Variants in EXOSC10 observed in about 807,000 individuals in gnomAD.
EXOSC10 encodes the protein exosome component 10.
A neutral mutation model predicts 126.6 loss-of-function variants in EXOSC10; 94 were observed. That is an observed-to-expected ratio of 0.74 (90% confidence interval 0.63 to 0.88). The LOEUF (loss-of-function observed/expected upper bound fraction) is 0.88, where lower values mean the gene tolerates loss of function less well. Among genes scored for constraint, EXOSC10 ranks in the 40% least tolerant of loss-of-function variants. EXOSC10 has a pLI of 0.00. For missense variants in EXOSC10, 1,041 were observed against 1,100.5 expected (o/e 0.95, Z 0.77); for synonymous variants, 395 against 400.8 (o/e 0.99, Z 0.17).
intron 4 of EXOSC10, 79 bp downstream of exon 4, chr1:11,091,414 A>C: frequency 8.0e-7 from 1 of 1,251,986 alleles, no homozygotes; most frequent in Non-Finnish European, 1.1e-6. Flanking sequence ...AAATTAGAAC[A>C]GAAATGCATG....
intron 3 of EXOSC10, among the ~76,000 whole-genome samples, chr1:11,095,207 G>A (rs2802212): frequency 0.015 from 1,769 of 121,830 alleles, 46 homozygotes; most frequent in African/African-American, 0.053. Context: ...GCAAGACTCC[G>A]TCTCAAAAAA....
At chr1:11,070,856 G>C (rs1298758890) in intron 21 of EXOSC10, 44 bp downstream of exon 21, 1 of 1,542,254 alleles carries the variant, frequency 6.5e-7, no homozygotes, top group Non-Finnish European at 8.9e-7. Context: ...CCACAAGCAG[G>C]GGCATCGTTT....
In EXOSC10 at chr1:11,076,838, TCA is replaced by T; in HGVS notation, c.1986+2_1986+3del. 1 of 1,606,772 alleles carries T rather than the reference TCA, an allele frequency of 6.2e-7. No individual in the cohort carries two copies. The highest frequency in any genetic ancestry group is 8.5e-7 in the Non-Finnish European group (1 of 1,174,958). On this transcript the variant is annotated splice_donor_variant and splice_donor_region_variant and intron_variant, in intron 17 of 24. Coordinates refer to ENST00000376936, the MANE Select transcript of EXOSC10 (RefSeq NM_001001998.3). LOFTEE classifies it high-confidence loss of function. ...CACCTCAGTGAAGTTTCTGTGCTACTCACATTAAATAACGTGATGACAGCTGT... is the reference window on the plus strand; with the variant it reads ...CACCTCAGTGAAGTTTCTGTGCTACTCATTAAATAACGTGATGACAGCTGT...
Position 11,074,265 on chromosome 1 carries a change from T to C in EXOSC10, c.2048A>G (p.Asn683Ser). 6.2e-7 allele frequency: 1 copy of C among 1,614,174 alleles called. No individual in the cohort carries two copies. The highest frequency in any genetic ancestry group is 8.5e-7 in the Non-Finnish European group (1 of 1,180,020). ...TGGATTTTCAAAGGACTCCATGATG[T>C]TCTGGGCTTTTTTCTGTGCAACTGT... ...PLTVAQKKAQ[N>S]IMESFENPFR... The change falls in exon 18 of 25, where the codon AAC becomes AGC. Residue 683 changes from asparagine (N) to serine (S), a missense_variant. Physicochemically the swap from Asn to Ser is conservative, Grantham distance 46 (BLOSUM62 1). Transcript: ENST00000376936.
At chr1:11,079,634 T>C (rs1640032018) in intron 14 of EXOSC10, 77 bp downstream of exon 14, 1 of 1,223,268 alleles carries the variant, frequency 8.2e-7, no homozygotes, top group African/African-American at 1.5e-5. Flanking sequence ...CCTGAAATGA[T>C]CCAGCCACCT....
At position 11,080,824 on chromosome 1, in the gene EXOSC10, G is replaced by A; in HGVS notation, c.1526C>T (p.Ala509Val). ...KKHLNTQQLTAFQLLFAWRDK... is the reference protein window; with the variant it reads ...KKHLNTQQLTVFQLLFAWRDK... ...CCTCCAGGCAAACAGCAGCTGAAAG[G>A]CTGTCAACTGCTGTGTGTTAAGGTG... Residue 509 changes from alanine (A) to valine (V), a missense_variant, in exon 12 of 25, where the codon GCC becomes GTC. Around this residue, in one of 3 missense-constraint regions of EXOSC10, gnomAD observed 645 missense variants for 656.3 expected, o/e 0.98. Transcript: ENST00000376936. 2 of 1,614,070 alleles carry A rather than the reference G, an allele frequency of 1.2e-6. No homozygotes were observed. The highest frequency in any genetic ancestry group is 8.5e-7 in the Non-Finnish European group (1 of 1,179,968).
At position 11,072,104 on chromosome 1, in the gene EXOSC10, T is replaced by G; in HGVS notation, c.2225A>C (p.Lys742Thr). ...AGTGTTACCTGTTTGCTCAGCTGCC[T>G]TCTTCTTGACAGCTTCTTTAGAGTC... The part of the protein sequence containing the change: ...QKDSKEAVKK[K>T]AAEQTAAREQ... The change falls in exon 20 of 25, where the codon AAG becomes ACG. Residue 742 changes from lysine (K) to threonine (T), a missense_variant. Transcript: ENST00000376936. 3 of 1,613,652 alleles carry G rather than the reference T, an allele frequency of 1.9e-6. No homozygotes were observed. Among genetic ancestry groups the G allele is most frequent in the South Asian group, 1.1e-5 (1 of 90,906 alleles).
At chr1:11,078,406 C>A (rs1029464597) in intron 14 of EXOSC10, among the ~76,000 whole-genome samples, 1 of 151,656 alleles carries the variant, frequency 6.6e-6, no homozygotes, top group Non-Finnish European at 1.5e-5. Context: ...TACAGGCGCC[C>A]GCCACTACGC....
At chr1:11,091,333 A>G (rs1182740418) in intron 4 of EXOSC10, among the ~76,000 whole-genome samples, 154 bp from the exon 5 acceptor site, 1 of 152,210 alleles carries the variant, frequency 6.6e-6, no homozygotes, top group Non-Finnish European at 1.5e-5. Flanking sequence ...CAGAAAGAGA[A>G]GAAGAGGGTG....
intron 2 of EXOSC10, among the ~76,000 whole-genome samples, chr1:11,096,667 T>C (rs975082271): frequency 9.3e-5 from 14 of 151,226 alleles, no homozygotes; most frequent in African/African-American, 2.2e-4. Flanking sequence ...TTTGTAGGGA[T>C]GGAGTCTCCC....
chr1:11,069,035 C>T (rs555077791), intron 22 of EXOSC10: 49 of 357,798 alleles, frequency 1.4e-4, no homozygotes, highest in Admixed American at 6.9e-4. Flanking sequence ...GGCTCTGAGG[C>T]GACACTCCTG....
At chr1:11,088,305 G>A in intron 6 of EXOSC10, 107 bp from the exon 7 acceptor site, 2 of 700,450 alleles carry the variant, frequency 2.9e-6, no homozygotes, top group Middle Eastern at 2.9e-4. Context: ...AAAGACCACT[G>A]TGAAAATATC....
At chr1:11,082,079 C>CA (rs113030447) in intron 10 of EXOSC10, among the ~76,000 whole-genome samples, 8,699 of 116,790 alleles carry the variant, frequency 0.074, 333 homozygotes, top group East Asian at 0.17. Flanking sequence ...AACTGCATCT[C>CA]AAAAAAAAAA....
chr1:11,067,198 G>A (rs756064293), intron 24 of EXOSC10, among the ~76,000 whole-genome samples: 2 of 152,166 alleles, frequency 1.3e-5, no homozygotes, highest in African/African-American at 2.4e-5. Context: ...GTGGGAGGCC[G>A]AGGCGGGCGG....
rs1557694701 is a variant in EXOSC10, at chr1:11,072,116, GCTT to G, written c.2210_2212del (p.Glu737del). 2 of 1,613,868 alleles carry G rather than the reference GCTT, an allele frequency of 1.2e-6. No individual in the cohort carries two copies. Reference sequence around the variant, plus strand: ...TTGCTCAGCTGCCTTCTTCTTGACAGCTTCTTTAGAGTCTTTTTGTACTTGTAC... The same window carrying G: ...TTGCTCAGCTGCCTTCTTCTTGACAGCTTTAGAGTCTTTTTGTACTTGTAC... On this transcript the variant is annotated inframe_deletion, in exon 20 of 25. Transcript: ENST00000376936.
At chr1:11,096,945 G>A (rs1250648507) in intron 2 of EXOSC10, among the ~76,000 whole-genome samples, 1 of 152,130 alleles carries the variant, frequency 6.6e-6, no homozygotes, top group Non-Finnish European at 1.5e-5. Flanking sequence ...TAGGCGCAGT[G>A]GCTTATACCT....
intron 19 of EXOSC10, 159 bp from the exon 20 acceptor site, chr1:11,072,330 G>T: frequency 3.4e-6 from 2 of 588,422 alleles, no homozygotes; most frequent in Non-Finnish European, 6.0e-6. Flanking sequence ...TAAATTTCAT[G>T]CTGGCTTTAT....
chr1:11,080,689 A>T, intron 12 of EXOSC10, 75 bp downstream of exon 12: 1 of 1,601,100 alleles, frequency 6.2e-7, no homozygotes, highest in Non-Finnish European at 8.5e-7. Flanking sequence ...AGCAAAAGAA[A>T]AAAGCCCATT....
rs773671843 is a variant in EXOSC10 at position 11,074,011 on chromosome 1, G to A, written c.2083-3C>T. ...CGGTGTCCCAGTGAGGGCAGAAACT[G>A]GAGGAAGGAAATGGCTGTGTGAAAC... On this transcript the variant is annotated splice_polypyrimidine_tract_variant and splice_region_variant and intron_variant, in intron 18 of 24. Transcript: ENST00000376936. The A allele has an allele frequency of 1.9e-5, 30 of 1,613,602 alleles. No homozygotes were observed. The highest frequency in any genetic ancestry group is 2.3e-5 in the Non-Finnish European group (27 of 1,179,774).
Sources: gnomAD v4.1 joint callset for allele counts (sites outside exome capture counted in the v4.1 genomes callset) on GRCh38, gnomAD v4.1.1 for gene constraint, gnomAD v4.1.1 regional missense constraint, MANE v1.5 for transcripts, NCBI Gene and HGNC (gene_info 2026-07-23, HGNC 2026-07-21) for gene names.